The following CDYL variants were observed in gnomAD, a reference collection of about 807,000 sequenced individuals.
The protein encoded by CDYL is chromodomain Y like.
Under a neutral mutation model 47.3 loss-of-function variants are expected in CDYL, and 8 were observed. That is an observed-to-expected ratio of 0.17 (90% CI 0.10 to 0.31). The LOEUF is 0.31. Among genes scored for constraint, CDYL ranks in the 10% least tolerant of loss-of-function variants. CDYL has a pLI of 1.00. For synonymous variants in CDYL, 266 were observed against 265.0 expected (o/e 1.00, Z -0.04); for missense variants, 471 against 701.4 (o/e 0.67, Z 3.71).
At chr6:4,726,196 T>A (rs1029538408) in intron 2 of CDYL, among the ~76,000 whole-genome samples, 1 of 152,108 alleles carries the variant, frequency 6.6e-6, no homozygotes, top group Non-Finnish European at 1.5e-5. Flanking sequence ...ATAACTTGAA[T>A]TCAGGAGTTC....
intron 2 of CDYL, among the ~76,000 whole-genome samples, chr6:4,726,759 A>G (rs1757522037): frequency 6.6e-6 from 1 of 152,022 alleles, no homozygotes; most frequent in Non-Finnish European, 1.5e-5. Flanking sequence ...TGTTAGCATT[A>G]AACTGCAGAA....
intron 1 of CDYL, among the ~76,000 whole-genome samples, chr6:4,843,264 T>C (rs34852770): frequency 0.024 from 3,704 of 152,302 alleles, 78 homozygotes; most frequent in Non-Finnish European, 0.032. Flanking sequence ...TCCTTCATCT[T>C]AACTTTAGAT....
intron 2 of CDYL, among the ~76,000 whole-genome samples, chr6:4,894,780 C>A (rs1309305858): frequency 6.6e-6 from 1 of 151,772 alleles, no homozygotes; most frequent in Non-Finnish European, 1.5e-5. Context: ...GATACCTGAT[C>A]TCTGCTCTTA....
At chr6:4,716,954 A>C (rs1044328489) in intron 2 of CDYL, among the ~76,000 whole-genome samples, 1 of 152,194 alleles carries the variant, frequency 6.6e-6, no homozygotes, top group Admixed American at 6.5e-5. Flanking sequence ...TGGAAAAATC[A>C]AATGAGGGAA....
At chr6:4,773,893 G>T (rs1758376168), upstream of CDYL, among the ~76,000 whole-genome samples, 1 of 152,198 alleles carries the variant, frequency 6.6e-6, no homozygotes, top group Non-Finnish European at 1.5e-5. This position sits in a 1 kb window ranked among gnomAD's most constrained non-coding sequence, Gnocchi z 4.6. Flanking sequence ...TATGTAAATT[G>T]ACATTTTTGA....
chr6:4,911,811 T>C (rs1199555642), intron 2 of CDYL, among the ~76,000 whole-genome samples: 1 of 152,188 alleles, frequency 6.6e-6, no homozygotes, highest in African/African-American at 2.4e-5. Flanking sequence ...GACTTACAAA[T>C]ACAGAATCCA....
At chr6:4,946,327 T>C (rs953423351) in intron 5 of CDYL, among the ~76,000 whole-genome samples, 4 of 152,148 alleles carry the variant, frequency 2.6e-5, no homozygotes, top group African/African-American at 9.7e-5. Flanking sequence ...GCAGCTAGTG[T>C]TATTCTAACC....
At chr6:4,859,386 A>C (rs958647883) in intron 1 of CDYL, among the ~76,000 whole-genome samples, 1 of 152,026 alleles carries the variant, frequency 6.6e-6, no homozygotes, top group African/African-American at 2.4e-5. Context: ...GCCTTGCTTA[A>C]ACCTTCTCAG....
intron 3 of CDYL, among the ~76,000 whole-genome samples, chr6:4,749,908 C>T (rs966258694): frequency 6.6e-6 from 1 of 152,094 alleles, no homozygotes; most frequent in Non-Finnish European, 1.5e-5. Flanking sequence ...CTATATGGTC[C>T]AAGTAGGGGG....
chr6:4,833,725 A>G (rs1042109387), intron 1 of CDYL, among the ~76,000 whole-genome samples: 1,913 of 151,524 alleles, frequency 0.013, 46 homozygotes, highest in African/African-American at 0.044. Flanking sequence ...TTTTTAGATC[A>G]CTCAGGACTT....
intron 1 of CDYL, among the ~76,000 whole-genome samples, chr6:4,857,992 ACCCGCC>A (rs1761057832): frequency 7.2e-6 from 1 of 138,082 alleles, no homozygotes; most frequent in Non-Finnish European, 1.6e-5. Context: ...AGGTTTTTCT[ACCCGCC>A]CCCGCCCCAT....
intron 1 of CDYL, among the ~76,000 whole-genome samples, chr6:4,863,582 G>T (rs968863499): frequency 6.6e-6 from 1 of 152,228 alleles, no homozygotes; most frequent in Non-Finnish European, 1.5e-5. Context: ...CTTTGATGCA[G>T]CTGGTTCCAG....
At chr6:4,911,991 G>A (rs1757427633) in intron 2 of CDYL, among the ~76,000 whole-genome samples, 1 of 152,208 alleles carries the variant, frequency 6.6e-6, no homozygotes, top group African/African-American at 2.4e-5. Context: ...AACCTTTGCT[G>A]TTGTCTTTTC....
chr6:4,872,842 C>G (rs1183838284), intron 1 of CDYL, among the ~76,000 whole-genome samples: 1 of 152,324 alleles, frequency 6.6e-6, no homozygotes, highest in South Asian at 2.1e-4. Flanking sequence ...TGGTCTCTAT[C>G]CATTTCATAA....
At chr6:4,771,255 A>C (rs564924271) in intron 3 of CDYL, among the ~76,000 whole-genome samples, 12 of 152,176 alleles carry the variant, frequency 7.9e-5, no homozygotes, top group African/African-American at 2.9e-4. Context: ...CTGGGATTAC[A>C]AGCACATGCC....
chr6:4,778,343 C>T (rs754009021), intron 1 of CDYL, among the ~76,000 whole-genome samples: 2 of 152,260 alleles, frequency 1.3e-5, no homozygotes, highest in East Asian at 1.9e-4. Flanking sequence ...GCACCTTATA[C>T]GTAAGTTGTA....
intron 1 of CDYL, among the ~76,000 whole-genome samples, chr6:4,713,436 C>G (rs1036056778): frequency 6.6e-6 from 1 of 152,088 alleles, no homozygotes; most frequent in African/African-American, 2.4e-5. Flanking sequence ...CAGGGCTCCC[C>G]GTGAAACTGA....
At chr6:4,763,547 TTTAG>T (rs1379445664) in intron 3 of CDYL, among the ~76,000 whole-genome samples, 1 of 152,216 alleles carries the variant, frequency 6.6e-6, no homozygotes, top group Non-Finnish European at 1.5e-5. Context: ...TGGTATTACA[TTTAG>T]TTAAGAAAAA....
At chr6:4,726,135 C>T (rs141918094) in intron 2 of CDYL, among the ~76,000 whole-genome samples, 8 of 152,224 alleles carry the variant, frequency 5.3e-5, no homozygotes, top group African/African-American at 1.9e-4. Context: ...TAAATGGGCC[C>T]GGCACGGTGG....
Sources: gnomAD v4.1 joint callset for allele counts (sites outside exome capture counted in the v4.1 genomes callset) on GRCh38, gnomAD v4.1.1 for gene constraint, Gnocchi (gnomAD v3.1) non-coding constraint, MANE v1.5 for transcripts, NCBI Gene and HGNC (gene_info 2026-07-23, HGNC 2026-07-21) for gene names.